The following COL24A1 variants were observed in gnomAD, a reference collection of about 807,000 sequenced individuals.
COL24A1 encodes collagen alpha-1(XXIV) chain.
COL24A1 carries 224 observed loss-of-function variants against 253.9 expected under a neutral mutation model. That is an observed-to-expected ratio of 0.88 (90% CI 0.79 to 0.99). The LOEUF (loss-of-function observed/expected upper bound fraction) is 0.99, where lower values mean the gene tolerates loss of function less well. Among genes scored for constraint, COL24A1 ranks in the 50% least tolerant of loss-of-function variants. The pLI is 0.00. For missense variants in COL24A1, 2,131 were observed against 2,068.5 expected (o/e 1.03, Z -0.59); for synonymous variants, 685 against 673.7 (o/e 1.02, Z -0.26).
intron 25 of COL24A1, among the ~76,000 whole-genome samples, chr1:85,911,045 A>C (rs1373392588): frequency 1.3e-5 from 2 of 151,882 alleles, no homozygotes; most frequent in Admixed American, 6.6e-5. Flanking sequence ...ATGGTAACTT[A>C]TTCTTCTTTT....
chr1:85,833,180 G>C (rs937539069), intron 43 of COL24A1, among the ~76,000 whole-genome samples: 6 of 152,028 alleles, frequency 3.9e-5, no homozygotes, highest in Non-Finnish European at 8.8e-5. Flanking sequence ...GAGTGAACAG[G>C]CAACCTACAA....
chr1:85,995,255 A>T (rs545331334), intron 19 of COL24A1, among the ~76,000 whole-genome samples: 32 of 150,288 alleles, frequency 2.1e-4, no homozygotes, highest in African/African-American at 4.4e-4. Flanking sequence ...AATTAAAAAA[A>T]TTTTTTTTTT....
intron 7 of COL24A1, among the ~76,000 whole-genome samples, chr1:86,081,949 T>G (rs12725994): frequency 0.13 from 19,701 of 152,144 alleles, 1,376 homozygotes; most frequent in Non-Finnish European, 0.14. Context: ...TTTGCTCCTT[T>G]TAAAAGTTTC....
chr1:85,909,806 G>A (rs1685190079), intron 26 of COL24A1, 144 bp downstream of exon 26: 3 of 736,536 alleles, frequency 4.1e-6, no homozygotes, highest in Admixed American at 2.0e-5. Context: ...CATTCTGGGA[G>A]ATAAACCATT....
chr1:85,785,771 G>A (rs977543771), intron 48 of COL24A1, among the ~76,000 whole-genome samples: 1 of 152,138 alleles, frequency 6.6e-6, no homozygotes, highest in South Asian at 2.1e-4. Context: ...TTAGTCTTAG[G>A]CTTTTATGAA....
chr1:85,858,677 T>TTCCTTCCTTCCTTCCC (rs1553201597), intron 37 of COL24A1, among the ~76,000 whole-genome samples: 1 of 146,082 alleles, frequency 6.8e-6, no homozygotes, highest in East Asian at 2.0e-4. Flanking sequence ...CCTTCCTTCC[T>TTCCTTCCTTCCTTCCC]TCCCTCCGTC....
chr1:86,048,080 A>T (rs1031261210), intron 11 of COL24A1, among the ~76,000 whole-genome samples: 4 of 152,134 alleles, frequency 2.6e-5, no homozygotes, highest in South Asian at 2.1e-4. Flanking sequence ...AATCTTTTTT[A>T]AAAAAATAGA....
At chr1:85,747,567 G>T (rs1387865296) in intron 55 of COL24A1, among the ~76,000 whole-genome samples, 2 of 151,900 alleles carry the variant, frequency 1.3e-5, no homozygotes, top group Non-Finnish European at 2.9e-5. Flanking sequence ...TTAATGAGAA[G>T]GGTCACCCAG....
At chr1:85,774,331 CT>C (rs1282011354) in intron 53 of COL24A1, among the ~76,000 whole-genome samples, 2 of 152,122 alleles carry the variant, frequency 1.3e-5, no homozygotes, top group African/African-American at 4.8e-5. Context: ...CTAAAATTCT[CT>C]TTTTTTGTTG....
At chr1:86,141,635 A>G (rs1163779801) in intron 2 of COL24A1, among the ~76,000 whole-genome samples, 1 of 151,892 alleles carries the variant, frequency 6.6e-6, no homozygotes, top group Non-Finnish European at 1.5e-5. Flanking sequence ...ATCATCCTCT[A>G]TGTGAAACAT....
At chr1:85,927,192 G>A (rs1404295486) in intron 24 of COL24A1, among the ~76,000 whole-genome samples, 1 of 152,126 alleles carries the variant, frequency 6.6e-6, no homozygotes, top group Non-Finnish European at 1.5e-5. Flanking sequence ...ACTAGGGAGT[G>A]CCAGACAGTG....
At chr1:86,002,346 C>A (rs1244369560) in intron 19 of COL24A1, among the ~76,000 whole-genome samples, 2 of 152,226 alleles carry the variant, frequency 1.3e-5, no homozygotes, top group Admixed American at 6.5e-5. Flanking sequence ...TGTAGACTAC[C>A]ACAGCCCCAG....
chr1:85,827,322 G>C (rs1388627499), intron 43 of COL24A1, among the ~76,000 whole-genome samples: 1 of 151,378 alleles, frequency 6.6e-6, no homozygotes, highest in East Asian at 1.9e-4. Flanking sequence ...GCTGGATTCA[G>C]TTTGCCAGTA....
At chr1:86,028,243 T>C (rs1571656803) in intron 14 of COL24A1, among the ~76,000 whole-genome samples, 4 of 152,278 alleles carry the variant, frequency 2.6e-5, no homozygotes, top group Admixed American at 2.0e-4. Context: ...CGGAAAGGCA[T>C]GATTGTGTTT....
At chr1:85,783,634 T>A in intron 50 of COL24A1, 76 bp from the exon 51 acceptor site, 2 of 1,308,884 alleles carry the variant, frequency 1.5e-6, no homozygotes, top group Non-Finnish European at 2.2e-6. Flanking sequence ...TATAAATCTA[T>A]CAAGAATTGC....
At chr1:85,767,305 A>G (rs1381907503) in intron 53 of COL24A1, among the ~76,000 whole-genome samples, 1 of 152,160 alleles carries the variant, frequency 6.6e-6, no homozygotes, top group Non-Finnish European at 1.5e-5. Context: ...ACATTCTGAA[A>G]GACAGTAACC....
intron 18 of COL24A1, among the ~76,000 whole-genome samples, chr1:86,020,891 A>G (rs532058429): frequency 6.6e-6 from 1 of 152,326 alleles, no homozygotes; most frequent in Non-Finnish European, 1.5e-5. Context: ...TCAAGGGTAC[A>G]AGGGAGGGTA....
intron 24 of COL24A1, among the ~76,000 whole-genome samples, chr1:85,914,417 G>T (rs1685676466): frequency 6.9e-6 from 1 of 144,734 alleles, no homozygotes. Context: ...TTGAGATGGA[G>T]TCTCACTCTG....
chr1:85,827,963 G>A (rs1234043887), intron 43 of COL24A1, among the ~76,000 whole-genome samples: 1 of 151,944 alleles, frequency 6.6e-6, no homozygotes, highest in Non-Finnish European at 1.5e-5. Flanking sequence ...CCTTCTGCTA[G>A]CTTTTGAATG....
Sources: allele counts gnomAD v4.1 joint callset (sites outside exome capture counted in the v4.1 genomes callset), GRCh38; gene constraint gnomAD v4.1.1; transcripts MANE v1.5; gene names NCBI Gene and HGNC (gene_info 2026-07-23, HGNC 2026-07-21).